The following INTS7 variants were observed in gnomAD, a reference collection of about 807,000 sequenced individuals.
INTS7 encodes the protein chromosome 1 open reading frame 73.
INTS7 carries 46 observed loss-of-function variants against 109.2 expected under a neutral mutation model. The ratio of observed to expected loss-of-function variants is 0.42; its 90% CI spans 0.33 to 0.54. INTS7 has a LOEUF of 0.54. Ranked by LOEUF, INTS7 falls within the 20% of genes least tolerant of loss-of-function variation. The pLI is 0.07. For synonymous variants in INTS7, 412 were observed against 402.9 expected (o/e 1.02, Z -0.27); for missense variants, 929 against 1,132.4 (o/e 0.82, Z 2.58).
chr1:212,032,497 G>A (rs1437596694), intron 1 of INTS7, among the ~76,000 whole-genome samples: 1 of 147,416 alleles, frequency 6.8e-6, no homozygotes, highest in African/African-American at 2.5e-5. Flanking sequence ...TTTTTTTTTC[G>A]AGACAGTCTT....
chr1:211,974,270 AAAAAAAATATATATATATAT>A (rs774349503), intron 13 of INTS7, among the ~76,000 whole-genome samples: 9,103 of 101,882 alleles, frequency 0.089, 609 homozygotes, highest in African/African-American at 0.19. Flanking sequence ...CTTCCCAGAA[AAAAAAAATATATATATATAT>A]ATATATATAT....
chr1:212,034,299 G>C (rs1161439530), intron 1 of INTS7, among the ~76,000 whole-genome samples: 1 of 151,976 alleles, frequency 6.6e-6, no homozygotes, highest in South Asian at 2.1e-4. Flanking sequence ...TTAAGAGCCT[G>C]AGAAACTCTT....
intron 16 of INTS7, among the ~76,000 whole-genome samples, chr1:211,956,971 ATTTATG>A (rs1195913508): frequency 1.3e-5 from 2 of 152,194 alleles, no homozygotes; most frequent in Admixed American, 6.5e-5. Flanking sequence ...CATATGATAA[ATTTATG>A]TTTAACTTTA....
chr1:212,028,581 G>A (rs1667028603), intron 1 of INTS7, among the ~76,000 whole-genome samples: 1 of 152,126 alleles, frequency 6.6e-6, no homozygotes, highest in Non-Finnish European at 1.5e-5. Flanking sequence ...TGGTAAGAAA[G>A]TAAATGCAGT....
intron 7 of INTS7, among the ~76,000 whole-genome samples, chr1:211,994,622 G>A (rs1460703127): frequency 1.3e-5 from 2 of 150,988 alleles, no homozygotes; most frequent in Non-Finnish European, 3.0e-5. Context: ...TAGTAGAGAT[G>A]AGGTTTCACT....
chr1:212,034,362 G>C (rs1202751560), intron 1 of INTS7, among the ~76,000 whole-genome samples: 1 of 152,010 alleles, frequency 6.6e-6, no homozygotes, highest in Non-Finnish European at 1.5e-5. Context: ...AACAGAAAAA[G>C]AGTCCCAAAA....
intron 11 of INTS7, among the ~76,000 whole-genome samples, chr1:211,976,979 C>T (rs1033456973): frequency 1.3e-5 from 2 of 152,004 alleles, no homozygotes; most frequent in South Asian, 2.1e-4. Context: ...CAATGAGATA[C>T]GTAAATAAAA....
At chr1:211,969,328 T>C (rs1399758889) in intron 13 of INTS7, among the ~76,000 whole-genome samples, 6 of 151,280 alleles carry the variant, frequency 4.0e-5, no homozygotes, top group Non-Finnish European at 8.8e-5. Context: ...TAAGGGATGC[T>C]TCAAGGACAT....
At chr1:212,014,498 G>GGA (rs1233117545) in intron 4 of INTS7, among the ~76,000 whole-genome samples, 2 of 145,628 alleles carry the variant, frequency 1.4e-5, no homozygotes, top group Non-Finnish European at 3.0e-5. Context: ...AAGCTGAAGA[G>GGA]GAGGGTATGC....
intron 16 of INTS7, among the ~76,000 whole-genome samples, chr1:211,958,070 TA>T (rs11310640): frequency 0.56 from 83,302 of 148,554 alleles, 24,006 homozygotes; most frequent in Non-Finnish European, 0.64. Flanking sequence ...TTTTAAAAAT[TA>T]AAAAAAAAAA....
rs1664964324 is a variant in INTS7 at position 211,987,878 on chromosome 1, T to G, written c.997+8A>C. 1 of 1,474,598 alleles carries G rather than the reference T, an allele frequency of 6.8e-7. No individual in the cohort carries two copies. Among genetic ancestry groups the G allele is most frequent in the Non-Finnish European group, 9.4e-7 (1 of 1,058,730 alleles). The allele number at this position is 1,474,598 out of a possible 1,614,324, so 91.3% of individuals were successfully genotyped here. On this transcript the variant is annotated splice_region_variant and intron_variant, in intron 8 of 19. Coordinates refer to ENST00000366994, the MANE Select transcript of INTS7 (RefSeq NM_015434.4). ...TTATTTATATGGTATCTCCTGTCTT[T>G]TCCTTACCTGGAACTATACTGAAGT...
chr1:211,973,398 C>A (rs1000103265), intron 13 of INTS7, among the ~76,000 whole-genome samples: 2 of 152,228 alleles, frequency 1.3e-5, no homozygotes, highest in Non-Finnish European at 2.9e-5. Context: ...ACAACTCTAT[C>A]ATTAATCATT....
chr1:211,976,448 C>A, intron 12 of INTS7, 134 bp downstream of exon 12: 1 of 734,960 alleles, frequency 1.4e-6, no homozygotes. Context: ...TTTCCTTCCT[C>A]ATCTTCAGAA....
intron 7 of INTS7, among the ~76,000 whole-genome samples, chr1:212,004,837 C>T (rs1665830270): frequency 6.6e-6 from 1 of 152,080 alleles, no homozygotes; most frequent in South Asian, 2.1e-4. Context: ...AATCAAGGAG[C>T]TACACATAAA....
intron 1 of INTS7, among the ~76,000 whole-genome samples, chr1:212,031,144 T>TCATTGC (rs1667142244): frequency 6.6e-6 from 1 of 152,184 alleles, no homozygotes; most frequent in Non-Finnish European, 1.5e-5. Flanking sequence ...CACTGCTCTC[T>TCATTGC]TCCCCATTGC....
chr1:211,965,302 A>T (rs114016458), intron 16 of INTS7, among the ~76,000 whole-genome samples: 3,929 of 152,260 alleles, frequency 0.026, 57 homozygotes, highest in African/African-American at 0.045. Context: ...AAATAACAGA[A>T]GTTGGTGAGG....
chr1:211,998,738 C>T (rs1438718872), intron 7 of INTS7, among the ~76,000 whole-genome samples: 2 of 151,210 alleles, frequency 1.3e-5, no homozygotes, highest in Admixed American at 6.6e-5. Context: ...ACTAAAGATA[C>T]ATATTGAGAG....
chr1:211,949,080 A>G (rs1387951688), intron 17 of INTS7, among the ~76,000 whole-genome samples: 1 of 152,160 alleles, frequency 6.6e-6, no homozygotes, highest in African/African-American at 2.4e-5. Flanking sequence ...GCACCTGATA[A>G]TGCTCTTCCT....
chr1:211,972,904 T>C (rs780700274), intron 13 of INTS7, among the ~76,000 whole-genome samples: 5 of 152,178 alleles, frequency 3.3e-5, no homozygotes, highest in Admixed American at 1.3e-4. Flanking sequence ...GACACCTTGA[T>C]TGCAATTTTG....
Sources: gnomAD v4.1 joint callset for allele counts (sites outside exome capture counted in the v4.1 genomes callset) on GRCh38, gnomAD v4.1.1 for gene constraint, MANE v1.5 for transcripts, NCBI Gene and HGNC (gene_info 2026-07-23, HGNC 2026-07-21) for gene names.